Variants in LRBA observed in about 807,000 individuals in gnomAD.
The protein encoded by LRBA is lipopolysaccharide-responsive and beige-like anchor protein.
A neutral mutation model predicts 330.0 loss-of-function variants in LRBA; 176 were observed. The observed-to-expected ratio is 0.53, with a 90% CI of 0.47 to 0.60. The LOEUF is 0.60. Ranked by LOEUF, LRBA falls within the 20% of genes least tolerant of loss-of-function variation. The pLI is 0.00. For missense variants in LRBA, 3,259 were observed against 3,444.8 expected, an observed-to-expected ratio of 0.95 and a Z score of 1.35; for synonymous variants, 1,230 against 1,193.0, an observed-to-expected ratio of 1.03 and a Z score of -0.64.
chr4:150,328,826 C>T (rs186502934), intron 48 of LRBA, among the ~76,000 whole-genome samples: 1 of 152,148 alleles, frequency 6.6e-6, no homozygotes, highest in Admixed American at 6.5e-5. Context: ...GGCAGTAACG[C>T]CAACTATGAT....
chr4:150,375,274 A>G (rs1249895461), intron 47 of LRBA, among the ~76,000 whole-genome samples: 2 of 152,156 alleles, frequency 1.3e-5, no homozygotes, highest in African/African-American at 4.8e-5. Context: ...CATAGTGATC[A>G]GCCCTACAAG....
At position 150,828,613 on chromosome 4, in the gene LRBA, G is replaced by C. The variant is rs1560877654; in HGVS notation, c.4738C>G (p.Pro1580Ala). 1 of 1,612,464 alleles carries C rather than the reference G, an allele frequency of 6.2e-7. No homozygotes were observed. The highest frequency in any genetic ancestry group is 8.5e-7 in the Non-Finnish European group (1 of 1,179,330). Residue 1580 changes from proline (P) to alanine (A), a missense_variant, in exon 30 of 57, where the codon CCA becomes GCA. Coordinates refer to ENST00000651943, the MANE Select transcript of LRBA (RefSeq NM_001364905.1). ...GTAGTTAAAGTGCTGAATGCTGCTG[G>C]TGTGATTTCTATATCATACCCAGAA... ...NENVSLSEIT[P>A]AAFSTLTTAS...
At position 150,310,482 on chromosome 4, in the gene LRBA, T is replaced by G. The variant is rs1730919038; in HGVS notation, c.7694-98A>C. The G allele has an allele frequency of 4.7e-5, 34 of 728,100 alleles. 1 individual carries two copies. In the South Asian group the frequency reaches 7.3e-4, roughly 16 times the overall value. The allele number at this position is 728,100 out of a possible 1,614,324, so 45.1% of individuals were successfully genotyped here. A position where few individuals can be genotyped will look rare whatever the true frequency, so the allele number is the denominator to read the frequency against. On this transcript the variant is annotated intron_variant, in intron 51 of 56. Transcript: ENST00000651943. The stretch of plus-strand genomic sequence containing the variant: ...GAGACACATTCCCAGATAAGAGTAC[T>G]TGATCCTTAATTCTAAGTATAATAA...
At chr4:150,372,519 C>T (rs1182408338) in intron 47 of LRBA, among the ~76,000 whole-genome samples, 1 of 141,344 alleles carries the variant, frequency 7.1e-6, no homozygotes, top group East Asian at 2.1e-4. Context: ...CAGACCATGC[C>T]ACTGCACTCC....
chr4:150,660,358 T>G (rs1461614152), intron 37 of LRBA, among the ~76,000 whole-genome samples: 2 of 81,884 alleles, frequency 2.4e-5, no homozygotes, highest in Non-Finnish European at 2.5e-5. Flanking sequence ...GTGGGGGGGG[T>G]CAGCCCCCCT....
At chr4:150,584,141 A>C in intron 40 of LRBA, 1 of 1,500,842 alleles carries the variant, frequency 6.7e-7, no homozygotes, top group Non-Finnish European at 8.9e-7. Flanking sequence ...AGCGACACAA[A>C]CGGGCGTGCT....
At chr4:150,763,083 A>T (rs2126479819) in intron 34 of LRBA, among the ~76,000 whole-genome samples, 1 of 152,142 alleles carries the variant, frequency 6.6e-6, no homozygotes, top group East Asian at 1.9e-4. Flanking sequence ...TATTTTATGA[A>T]TAGTATTAGT....
chr4:150,667,404 CAG>C (rs956223205), intron 37 of LRBA, among the ~76,000 whole-genome samples: 3 of 152,086 alleles, frequency 2.0e-5, no homozygotes, highest in African/African-American at 7.2e-5. Context: ...AACAGAGAAG[CAG>C]AGTCAGAGAG....
chr4:150,441,801 T>A (rs538114054), intron 44 of LRBA, among the ~76,000 whole-genome samples: 12 of 152,230 alleles, frequency 7.9e-5, no homozygotes, highest in African/African-American at 2.2e-4. Context: ...TTTAAAACTA[T>A]TGTATTACAA....
chr4:150,890,542 T>C (rs1032971657), intron 17 of LRBA, among the ~76,000 whole-genome samples: 65 of 152,084 alleles, frequency 4.3e-4, no homozygotes, highest in South Asian at 2.1e-4. Flanking sequence ...GAAAGGGCGA[T>C]ATTAGAAAAA....
At position 150,929,021 on chromosome 4, in the gene LRBA, T is replaced by C. The variant is rs181152650; in HGVS notation, c.261A>G (p.Gln87=). Residue 87 remains glutamine (Q), a synonymous_variant, in exon 3 of 57, where the codon CAA becomes CAG. Coordinates refer to ENST00000651943, the MANE Select transcript of LRBA (RefSeq NM_001364905.1). ...CCATGCAGTTAATACTCTCACCTTC[T>C]TGGATAATGAAATTCATTTCCAGAT... The part of the protein sequence containing the change: ...QFDLEMNFII[Q]EGESINCMVD... The C allele has an allele frequency of 6.2e-7, 1 of 1,613,644 alleles. No homozygotes were observed. Among genetic ancestry groups the C allele is most frequent in the Admixed American group, 1.7e-5 (1 of 59,978 alleles).
intron 49 of LRBA, among the ~76,000 whole-genome samples, chr4:150,322,937 T>C (rs1158861120): frequency 6.6e-6 from 1 of 151,834 alleles, no homozygotes; most frequent in Non-Finnish European, 1.5e-5. Context: ...TATATTATGG[T>C]TCATGCACTT....
Position 150,679,182 on chromosome 4 carries a change from C to T in LRBA, c.5921+4369G>A, listed in dbSNP as rs536037478. Among the ~76,000 whole-genome samples, 26 of 152,286 alleles carry T rather than the reference C, an allele frequency of 1.7e-4. No homozygotes were observed. The South Asian group carries it at 5.4e-3, about 32-fold the overall frequency. ...AAAGGAGAACCTGATTTAAAATCAA[C>T]ACCACCCTAGCCATAGCTTTTAACG... On this transcript the variant is annotated intron_variant, in intron 37 of 56. Transcript: ENST00000651943.
rs1554054704 is a variant in LRBA, at chr4:150,559,555, TATATTTATATAAATATATAAATATATAA to T, written c.6330+28465_6330+28492del. ...ATACATTATATATAAGATAAATATA[TATATTTATATAAATATATAAATATATAA>T]ATATTTATAATATATAATGTATATT... On this transcript the variant is annotated intron_variant, in intron 40 of 56. Coordinates refer to ENST00000651943, the MANE Select transcript of LRBA (RefSeq NM_001364905.1). Among the ~76,000 whole-genome samples the T allele has an allele frequency of 3.2e-5, 4 of 124,044 alleles. No individual in the cohort carries two copies. The Middle Eastern group carries it at 0.011, about 345-fold the overall frequency. The allele number at this position is 124,044 out of a possible 152,430, so 81.4% of individuals were successfully genotyped here. A position where few individuals can be genotyped will look rare whatever the true frequency, so the allele number is the denominator to read the frequency against.
intron 28 of LRBA, among the ~76,000 whole-genome samples, chr4:150,832,370 C>T (rs118130749): frequency 0.017 from 2,653 of 152,128 alleles, 144 homozygotes; most frequent in Admixed American, 0.06. Context: ...CCAAACCAGG[C>T]GGATCACTTG....
At chr4:150,724,957 A>C (rs1289880546) in intron 36 of LRBA, among the ~76,000 whole-genome samples, 1 of 151,144 alleles carries the variant, frequency 6.6e-6, no homozygotes, top group Non-Finnish European at 1.5e-5. Context: ...TGAAAAATGC[A>C]ATAACATGCT....
intron 2 of LRBA, among the ~76,000 whole-genome samples, chr4:151,009,444 G>A (rs749339251): frequency 6.6e-6 from 1 of 151,532 alleles, no homozygotes; most frequent in Non-Finnish European, 1.5e-5. Flanking sequence ...AGCTACTCAG[G>A]AGGCTGAGGC....
chr4:150,862,281 A>G (rs1300451886), intron 22 of LRBA, among the ~76,000 whole-genome samples: 5 of 152,198 alleles, frequency 3.3e-5, no homozygotes, highest in African/African-American at 1.2e-4. Flanking sequence ...AGCCAACCCA[A>G]ATGTCCAACA....
At chr4:150,856,673 A>G (rs1022135333) in intron 22 of LRBA, among the ~76,000 whole-genome samples, 10 of 152,298 alleles carry the variant, frequency 6.6e-5, no homozygotes, top group African/African-American at 2.4e-4. Flanking sequence ...TTGAACAACT[A>G]TCAGTATTAT....
Sources: gnomAD v4.1 joint callset for allele counts (sites outside exome capture counted in the v4.1 genomes callset) on GRCh38, gnomAD v4.1.1 for gene constraint, MANE v1.5 for transcripts, NCBI Gene and HGNC (gene_info 2026-07-23, HGNC 2026-07-21) for gene names.